The following RGS5 variants were observed in gnomAD, a reference collection of about 807,000 sequenced individuals.
The protein encoded by RGS5 is regulator of G protein signaling 5, also known as regulator of G-protein signalling 5.
RGS5 carries 20 observed loss-of-function variants against 18.9 expected under a neutral mutation model. The observed-to-expected ratio is 1.06, with a 90% CI of 0.74 to 1.54. The LOEUF (loss-of-function observed/expected upper bound fraction) is 1.54, where lower values mean the gene tolerates loss of function less well. Among genes scored for constraint, RGS5 ranks in the 40% most tolerant of loss-of-function variants. The pLI is 0.00. For synonymous variants in RGS5, 57 were observed against 76.2 expected (o/e 0.75, Z 1.31); for missense variants, 201 against 211.8 (o/e 0.95, Z 0.32).
intron 1 of RGS5, among the ~76,000 whole-genome samples, chr1:163,187,853 C>T (rs923934062): frequency 7.9e-5 from 12 of 152,178 alleles, no homozygotes; most frequent in African/African-American, 2.7e-4. Context: ...GCCAGTTTGT[C>T]AGAAGTTCCG....
At chr1:163,235,971 A>C (rs1349491837) in intron 2 of RGS5, among the ~76,000 whole-genome samples, 2 of 152,192 alleles carry the variant, frequency 1.3e-5, no homozygotes, top group African/African-American at 4.8e-5. Context: ...GAATCTTTTC[A>C]AGAATTTTAA....
At chr1:163,279,923 C>A (rs922919794) in intron 2 of RGS5, among the ~76,000 whole-genome samples, 2 of 151,884 alleles carry the variant, frequency 1.3e-5, no homozygotes, top group Admixed American at 6.6e-5. Flanking sequence ...AAATAAATTC[C>A]TGGATACATA....
At position 163,161,864 on chromosome 1, in the gene RGS5, T is replaced by C. The variant is rs183524143; in HGVS notation, c.217+51A>G. 9.1e-6 allele frequency: 13 copies of C among 1,422,264 alleles called. No homozygotes were observed. The African/African-American group carries it at 1.8e-4, about 20-fold the overall frequency. 88.1% of individuals were successfully genotyped at this position (1,422,264 alleles called of 1,614,324 possible). ...CAGGTAATACAAAGATGTTTTTTGTTTCTGTCTCTAACCTGACCTTTATTT... is the reference window on the plus strand; with the variant it reads ...CAGGTAATACAAAGATGTTTTTTGTCTCTGTCTCTAACCTGACCTTTATTT... On this transcript the variant is annotated intron_variant, in intron 3 of 4. Coordinates refer to ENST00000313961, the MANE Select transcript of RGS5 (RefSeq NM_003617.4).
At chr1:163,285,382 C>G (rs1182739558) in intron 2 of RGS5, among the ~76,000 whole-genome samples, 1 of 151,974 alleles carries the variant, frequency 6.6e-6, no homozygotes, top group African/African-American at 2.4e-5. Flanking sequence ...TGGTGAAACC[C>G]TGTCTCTACT....
chr1:163,219,112 C>A (rs1392990766), upstream of RGS5, among the ~76,000 whole-genome samples: 1 of 121,368 alleles, frequency 8.2e-6, no homozygotes, highest in Non-Finnish European at 1.9e-5. Context: ...ATTTGTCTTA[C>A]TCTTTATCGA....
intron 2 of RGS5, among the ~76,000 whole-genome samples, chr1:163,291,892 A>G (rs561010840): frequency 5.3e-5 from 8 of 152,096 alleles, no homozygotes; most frequent in Non-Finnish European, 1.0e-4. Flanking sequence ...CTGCAATGAC[A>G]TGATCTCTGT....
rs139558371 is a variant in RGS5, at chr1:163,147,695, G to C, written c.385-192C>G. Among the ~76,000 whole-genome samples the C allele has an allele frequency of 2.6e-4, 40 of 152,112 alleles. No individual in the cohort carries two copies. In the East Asian group the frequency reaches 7.2e-3, roughly 27 times the overall value. ...GATGTTCCAACAGATGCATCCAACC[G>C]GTATTAGACACCCACCAGGTGTCAG... On this transcript the variant is annotated intron_variant, in intron 4 of 4. Coordinates refer to ENST00000313961, the MANE Select transcript of RGS5 (RefSeq NM_003617.4).
intron 2 of RGS5, among the ~76,000 whole-genome samples, chr1:163,254,956 G>T (rs1204925883): frequency 4.7e-3 from 633 of 135,078 alleles, no homozygotes; most frequent in East Asian, 0.026. Context: ...TCAGATAGTT[G>T]TAGATATGCG....
intron 1 of RGS5, among the ~76,000 whole-genome samples, chr1:163,198,259 T>C (rs1041732066): frequency 5.3e-5 from 8 of 152,152 alleles, no homozygotes; most frequent in Non-Finnish European, 8.8e-5. Flanking sequence ...ATTCCTAGCA[T>C]TGACACACCC....
At position 163,173,148 on chromosome 1, in the gene RGS5, A is replaced by T. The variant is rs917777679; in HGVS notation, c.45-4780T>A. Reference sequence around the variant, plus strand: ...CCTGCTTGGTCTCGGGCTCTATTTGACTGCACACTAGACATTTTTTCCTGG... The same window carrying T: ...CCTGCTTGGTCTCGGGCTCTATTTGTCTGCACACTAGACATTTTTTCCTGG... On this transcript the variant is annotated intron_variant, in intron 1 of 4. Coordinates refer to ENST00000313961, the MANE Select transcript of RGS5 (RefSeq NM_003617.4). Among the ~76,000 whole-genome samples, 5 of 152,174 alleles carry T rather than the reference A, an allele frequency of 3.3e-5. No individual in the cohort carries two copies. The South Asian group carries it at 1.0e-3, about 31-fold the overall frequency.
At chr1:163,316,463 T>C (rs1438108720) in intron 1 of RGS5, among the ~76,000 whole-genome samples, 1 of 152,154 alleles carries the variant, frequency 6.6e-6, no homozygotes, top group African/African-American at 2.4e-5. Context: ...ATGGCATCAA[T>C]AATACAACCA....
rs1393331330 is a variant in RGS5 at position 163,265,819 on chromosome 1, A to G, written c.-281+40414T>C. Among the ~76,000 whole-genome samples the G allele has an allele frequency of 2.6e-5, 4 of 152,056 alleles. No homozygotes were observed. In the East Asian group the frequency reaches 7.7e-4, roughly 29 times the overall value. ...TTATGGTTGATTTTTCCCTACCTCA[A>G]TAACCACTTCCTTTTCTGGCTTCTC... On this transcript the variant is annotated intron_variant, in intron 2 of 5. Transcript: ENST00000618415.
At chr1:163,288,768 A>G (rs1571342892) in intron 2 of RGS5, among the ~76,000 whole-genome samples, 1 of 152,196 alleles carries the variant, frequency 6.6e-6, no homozygotes, top group Non-Finnish European at 1.5e-5. Flanking sequence ...CCTTCTGCAC[A>G]TATCAACTTG....
Position 163,147,326 on chromosome 1 carries a change from T to C in RGS5, c.*16A>G, listed in dbSNP as rs770597764. ...GGAAATAACTCACAGGATGATTTCA[T>C]AGCCTGGCTAAATTACTACTTGATT... On this transcript the variant is annotated 3_prime_UTR_variant, in exon 5 of 5. Transcript: ENST00000313961. 7.6e-6 allele frequency: 12 copies of C among 1,572,312 alleles called. No individual in the cohort carries two copies. The East Asian group carries it at 2.5e-4, about 33-fold the overall frequency.
chr1:163,287,451 C>T (rs963405512), intron 2 of RGS5, among the ~76,000 whole-genome samples: 46 of 152,206 alleles, frequency 3.0e-4, no homozygotes, highest in African/African-American at 1.1e-3. Context: ...CTTTTAGGAC[C>T]ATGCCATTCA....
intron 1 of RGS5, among the ~76,000 whole-genome samples, chr1:163,180,698 T>TTTTTTTTG (rs1330452353): frequency 2.3e-5 from 3 of 128,152 alleles, no homozygotes; most frequent in East Asian, 2.2e-4. Context: ...TTTTTTTTTT[T>TTTTTTTTG]TTTTTTTTTT....
At chr1:163,176,011 A>G (rs1223112266) in intron 1 of RGS5, among the ~76,000 whole-genome samples, 3 of 152,226 alleles carry the variant, frequency 2.0e-5, no homozygotes, top group African/African-American at 7.2e-5. Flanking sequence ...TTAATTACAT[A>G]ATAAGCCCCT....
chr1:163,289,250 T>C lies in RGS5; in HGVS notation c.-281+16983A>G, dbSNP rs114395010. Reference sequence around the variant, plus strand: ...CCTTTTCTGCTTGTTTGTTCATATATACACAATACCCCTACACCTTTGCTC... The same window carrying C: ...CCTTTTCTGCTTGTTTGTTCATATACACACAATACCCCTACACCTTTGCTC... On this transcript the variant is annotated intron_variant, in intron 2 of 5. Transcript: ENST00000618415. Among the ~76,000 whole-genome samples the C allele has an allele frequency of 7.4e-3, 1,119 of 151,916 alleles. 16 individuals are homozygous for C. Among genetic ancestry groups the C allele is most frequent in the African/African-American group, 0.025 (1,054 of 41,466 alleles).
At position 163,147,432 on chromosome 1, in the gene RGS5, G is replaced by A. The variant is rs923231513; in HGVS notation, c.456C>T (p.Asp152=). 6.2e-7 allele frequency: 1 copy of A among 1,613,046 alleles called. No homozygotes were observed. The highest frequency in any genetic ancestry group is 1.3e-5 in the African/African-American group (1 of 74,882). The part of the protein sequence containing the change: ...NLVEPSLSSF[D]MAQKRIHALM... ...GGGCATGGATTCTTTTCTGGGCCAT[G>A]TCAAAGCTGCTCAGGGAAGGTTCCA... is the stretch of plus-strand genomic sequence containing the variant. The change falls in exon 5 of 5, where the codon GAC becomes GAT. Residue 152 remains aspartate, a synonymous_variant. Coordinates refer to ENST00000313961, the MANE Select transcript of RGS5 (RefSeq NM_003617.4).
Sources: gnomAD v4.1 joint callset for allele counts (sites outside exome capture counted in the v4.1 genomes callset) on GRCh38, gnomAD v4.1.1 for gene constraint, MANE v1.5 for transcripts, NCBI Gene and HGNC (gene_info 2026-07-23, HGNC 2026-07-21) for gene names.